Variants in CDKAL1 observed in about 807,000 individuals in gnomAD.
The protein encoded by CDKAL1 is threonylcarbamoyladenosine tRNA methylthiotransferase.
In CDKAL1, 32 loss-of-function variants were observed where a neutral mutation model predicts 68.2. That is an observed-to-expected ratio of 0.47 (90% CI 0.35 to 0.63). CDKAL1 has a LOEUF of 0.63. CDKAL1 is among the 30% of genes least tolerant of loss of function. CDKAL1 has a pLI of 0.00. For missense variants in CDKAL1, 606 were observed against 696.7 expected (o/e 0.87, Z 1.47); for synonymous variants, 234 against 244.3 (o/e 0.96, Z 0.39).
intron 11 of CDKAL1, among the ~76,000 whole-genome samples, chr6:21,044,894 A>G (rs1770136831): frequency 6.6e-6 from 1 of 152,188 alleles, no homozygotes; most frequent in Non-Finnish European, 1.5e-5. Flanking sequence ...TGGGAAGTCT[A>G]TGATCAAGGC....
chr6:20,597,064 G>A (rs1765860628), intron 4 of CDKAL1, among the ~76,000 whole-genome samples: 1 of 152,182 alleles, frequency 6.6e-6, no homozygotes, highest in Non-Finnish European at 1.5e-5. Context: ...GCTGGGAGCT[G>A]CAGACCAGAG....
At chr6:20,594,520 C>T (rs113016089) in intron 4 of CDKAL1, among the ~76,000 whole-genome samples, 52,409 of 151,394 alleles carry the variant, frequency 0.35, 9,499 homozygotes, top group East Asian at 0.54. Context: ...TTTTTTGCTT[C>T]CTATTTGCTT....
chr6:20,858,749 T>A (rs1759466325), intron 9 of CDKAL1, among the ~76,000 whole-genome samples: 1 of 152,164 alleles, frequency 6.6e-6, no homozygotes, highest in Non-Finnish European at 1.5e-5. Flanking sequence ...TTTACAAAGT[T>A]GATAATAACT....
In CDKAL1 at chr6:21,067,208, C is replaced by T. The variant is rs1202461705; in HGVS notation, c.1236+1980C>T. 6.6e-5 allele frequency among the ~76,000 whole-genome samples: 10 copies of T among 152,142 alleles called. No homozygotes were observed. The East Asian group carries it at 1.7e-3, about 27-fold the overall frequency. On this transcript the variant is annotated intron_variant, in intron 12 of 15. Transcript: ENST00000274695. The stretch of plus-strand genomic sequence containing the variant: ...TGTCCTCCATTTACTGTCCTCTCCC[C>T]CTCCTCAAAGGAAGCCACCATGCCT...
chr6:20,730,820 G>T (rs1052087581), intron 5 of CDKAL1, among the ~76,000 whole-genome samples: 4 of 149,542 alleles, frequency 2.7e-5, no homozygotes, highest in African/African-American at 9.9e-5. Flanking sequence ...CTCCAGCTGG[G>T]GCTAAGAAGC....
intron 4 of CDKAL1, among the ~76,000 whole-genome samples, chr6:20,595,970 C>A (rs1251038375): frequency 6.6e-6 from 1 of 152,190 alleles, no homozygotes; most frequent in Non-Finnish European, 1.5e-5. Context: ...AGGTCCACTC[C>A]AGACCCTGTT....
intron 9 of CDKAL1, among the ~76,000 whole-genome samples, chr6:20,859,408 T>C (rs1456353369): frequency 6.6e-6 from 1 of 152,172 alleles, no homozygotes; most frequent in African/African-American, 2.4e-5. Flanking sequence ...TAACTACAAA[T>C]CTATGAATAC....
At chr6:20,750,750 G>A (rs560582564) in intron 6 of CDKAL1, among the ~76,000 whole-genome samples, 1 of 152,080 alleles carries the variant, frequency 6.6e-6, no homozygotes, top group African/African-American at 2.4e-5. Flanking sequence ...GATCACTTGA[G>A]GTCAGGAGTT....
chr6:20,636,840 C>T (rs983758116), intron 4 of CDKAL1, among the ~76,000 whole-genome samples: 1 of 152,046 alleles, frequency 6.6e-6, no homozygotes, highest in Non-Finnish European at 1.5e-5. Context: ...AGTTCGAGAC[C>T]AGCCTGGCCA....
At chr6:20,736,021 G>A (rs948831682) in intron 5 of CDKAL1, among the ~76,000 whole-genome samples, 2 of 152,162 alleles carry the variant, frequency 1.3e-5, no homozygotes, top group African/African-American at 4.8e-5. Context: ...TTGCATTTCA[G>A]AGATTTGATG....
At position 21,231,189 on chromosome 6, in the gene CDKAL1, C is replaced by G; in HGVS notation, c.*150C>G. 1 of 533,790 alleles carries G rather than the reference C, an allele frequency of 1.9e-6. No homozygotes were observed. Among genetic ancestry groups the G allele is most frequent in the South Asian group, 4.1e-5 (1 of 24,162 alleles). 33.1% of individuals were successfully genotyped at this position (533,790 alleles called of 1,614,324 possible). ...CAGCCACTCTTCTTAATGAGGCTCC[C>G]CCTGTCTCACATTGAGTTGGGCCCA... On this transcript the variant is annotated 3_prime_UTR_variant, in exon 16 of 16. Coordinates refer to ENST00000274695, the MANE Select transcript of CDKAL1 (RefSeq NM_017774.3).
At chr6:20,949,721 AT>A (rs549576320) in intron 9 of CDKAL1, among the ~76,000 whole-genome samples, 2 of 152,046 alleles carry the variant, frequency 1.3e-5, no homozygotes, top group East Asian at 3.9e-4. Context: ...TATTAACAGA[AT>A]TATGTACAAG....
chr6:21,147,801 AT>A lies in CDKAL1; in HGVS notation c.1299+39347del, dbSNP rs11405792. Among the ~76,000 whole-genome samples the A allele has an allele frequency of 5.0e-3, 753 of 151,744 alleles. 7 individuals are homozygous for A. The highest frequency in any genetic ancestry group is 0.013 in the African/African-American group (541 of 41,400). ...ATCTTTTGCAACAAGCTATAAAATGATTTTTTTTTGTCTTTAATTAAACAAA... is the reference window on the plus strand; with the variant it reads ...ATCTTTTGCAACAAGCTATAAAATGATTTTTTTTGTCTTTAATTAAACAAA... On this transcript the variant is annotated intron_variant, in intron 13 of 15. Transcript: ENST00000274695.
intron 9 of CDKAL1, among the ~76,000 whole-genome samples, chr6:20,886,036 C>G (rs1435126268): frequency 1.3e-5 from 2 of 152,124 alleles, no homozygotes; most frequent in Non-Finnish European, 2.9e-5. Flanking sequence ...GACGCCATCC[C>G]CGTCCCCCAC....
chr6:21,122,628 A>T (rs567871165), intron 13 of CDKAL1, among the ~76,000 whole-genome samples: 1 of 150,658 alleles, frequency 6.6e-6, no homozygotes, highest in Admixed American at 6.6e-5. Context: ...TATTTTATTT[A>T]TTTATTTATT....
At chr6:20,557,048 A>AT (rs70990046) in intron 4 of CDKAL1, among the ~76,000 whole-genome samples, 14,899 of 81,540 alleles carry the variant, frequency 0.18, 916 homozygotes, top group Middle Eastern at 0.33. Flanking sequence ...TCTCAAAAAA[A>AT]AAAAATAAAT....
intron 5 of CDKAL1, among the ~76,000 whole-genome samples, chr6:20,668,951 A>G (rs575149821): frequency 6.6e-6 from 1 of 152,318 alleles, no homozygotes; most frequent in East Asian, 1.9e-4. Flanking sequence ...TATCAAGAAT[A>G]TAGGAGTGGT....
chr6:20,950,116 G>A (rs1764451071), intron 9 of CDKAL1, among the ~76,000 whole-genome samples: 1 of 151,978 alleles, frequency 6.6e-6, no homozygotes. Flanking sequence ...AAGAAGAGTA[G>A]AGGTCATTTT....
intron 8 of CDKAL1, among the ~76,000 whole-genome samples, chr6:20,817,692 A>G (rs1777102889): frequency 6.6e-6 from 1 of 152,140 alleles, no homozygotes; most frequent in African/African-American, 2.4e-5. Flanking sequence ...AACTATCTGA[A>G]AAGAGTTGAC....
Sources: gnomAD v4.1 joint callset for allele counts (sites outside exome capture counted in the v4.1 genomes callset) on GRCh38, gnomAD v4.1.1 for gene constraint, MANE v1.5 for transcripts, NCBI Gene and HGNC (gene_info 2026-07-23, HGNC 2026-07-21) for gene names.